The following TXNDC11 variants were observed in gnomAD, a reference collection of about 807,000 sequenced individuals.
TXNDC11 encodes the protein thioredoxin domain containing 11.
Under a neutral mutation model 78.0 loss-of-function variants are expected in TXNDC11, and 68 were observed. The ratio of observed to expected loss-of-function variants is 0.87; its 90% CI spans 0.72 to 1.07. The LOEUF (loss-of-function observed/expected upper bound fraction) is 1.07. TXNDC11 is among the 50% of genes least tolerant of loss of function. TXNDC11 has a pLI of 0.00. For missense variants in TXNDC11, 1,389 were observed against 1,221.8 expected (o/e 1.14, Z -2.04); for synonymous variants, 571 against 495.2 (o/e 1.15, Z -2.03).
intron 5 of TXNDC11, among the ~76,000 whole-genome samples, chr16:11,715,769 T>A (rs1291723532): frequency 6.6e-6 from 1 of 152,064 alleles, no homozygotes; most frequent in Non-Finnish European, 1.5e-5. Flanking sequence ...GAGAAAACCA[T>A]GCGTTACAAA....
chr16:11,703,649 T>A (rs1308432896), intron 5 of TXNDC11: 1 of 702,262 alleles, frequency 1.4e-6, no homozygotes, highest in Non-Finnish European at 2.6e-6. Context: ...AGTAATGACA[T>A]CCTAATACCA....
In TXNDC11 at chr16:11,679,130, A is replaced by T. The variant is rs920592963; in HGVS notation, c.*65T>A. ...CTTTATTTACAATAAATTTCAATAA[A>T]ATTTGCATAAATATATTCCCAATGT... On this transcript the variant is annotated 3_prime_UTR_variant, in exon 12 of 12. Coordinates refer to ENST00000283033, the MANE Select transcript of TXNDC11 (RefSeq NM_015914.7). This position sits in a 1 kb window ranked among gnomAD's most constrained non-coding sequence, Gnocchi z 4.6. 2 of 1,508,534 alleles carry T rather than the reference A, an allele frequency of 1.3e-6. No individual in the cohort carries two copies. Among genetic ancestry groups the T allele is most frequent in the African/African-American group, 2.8e-5 (2 of 70,914 alleles). 93.4% of individuals were successfully genotyped at this position (1,508,534 alleles called of 1,614,324 possible).
chr16:11,697,251 G>A (rs940721961), intron 7 of TXNDC11, among the ~76,000 whole-genome samples: 2 of 152,164 alleles, frequency 1.3e-5, no homozygotes, highest in South Asian at 2.1e-4. Context: ...CCACCTGGGC[G>A]AGAAGTCCTG....
At chr16:11,720,837 G>A (rs937752720) in intron 5 of TXNDC11, among the ~76,000 whole-genome samples, 2 of 151,590 alleles carry the variant, frequency 1.3e-5, no homozygotes, top group African/African-American at 4.9e-5. Flanking sequence ...TGCCTCCTAC[G>A]TTGAAGCAAG....
intron 2 of TXNDC11, among the ~76,000 whole-genome samples, chr16:11,734,442 C>T (rs1221516284): frequency 6.6e-6 from 1 of 152,130 alleles, no homozygotes; most frequent in African/African-American, 2.4e-5. Context: ...AAGCAGCAGT[C>T]CCTGGATTGC....
rs747170727 is a variant in TXNDC11 at position 11,691,317 on chromosome 16, T to G, written c.1873A>C (p.Lys625Gln). 5 of 1,614,024 alleles carry G rather than the reference T, an allele frequency of 3.1e-6. No individual in the cohort carries two copies. Among genetic ancestry groups the G allele is most frequent in the Non-Finnish European group, 4.2e-6 (5 of 1,179,930 alleles). Reference protein sequence around the residue: ...KEESHYILDPKQALMKLTLES... With the variant: ...KEESHYILDPQQALMKLTLES... ...AGGGTGAGCTTCATCAGTGCTTGCT[T>G]TGGATCCAAGATGTAATGAGATTCT... The change falls in exon 8 of 12, where the codon AAG becomes CAG. Residue 625 changes from lysine to glutamine, a missense_variant. By Grantham distance (53) the Lys-to-Gln change is moderately conservative (BLOSUM62 1). Transcript: ENST00000283033.
At chr16:11,720,242 G>C (rs2051662181) in intron 5 of TXNDC11, among the ~76,000 whole-genome samples, 1 of 152,130 alleles carries the variant, frequency 6.6e-6, no homozygotes, top group African/African-American at 2.4e-5. Context: ...AAATACAGAT[G>C]TGAGAAGCTG....
intron 11 of TXNDC11, among the ~76,000 whole-genome samples, chr16:11,681,454 C>T (rs1191594099): frequency 1.3e-5 from 2 of 152,228 alleles, no homozygotes; most frequent in African/African-American, 2.4e-5. Flanking sequence ...AATGGGCACA[C>T]TAAAATACTG....
chr16:11,723,407 G>T (rs905320213), intron 4 of TXNDC11, among the ~76,000 whole-genome samples: 6 of 151,962 alleles, frequency 3.9e-5, no homozygotes, highest in Non-Finnish European at 4.4e-5. Context: ...CGATATGGTG[G>T]AACCCTGTCT....
intron 5 of TXNDC11, among the ~76,000 whole-genome samples, chr16:11,701,201 A>T (rs1419351693): frequency 7.9e-6 from 1 of 126,820 alleles, no homozygotes; most frequent in Admixed American, 1.1e-4. Context: ...CAGTGGTGCG[A>T]TATCGGCTCA....
Position 11,742,682 on chromosome 16 carries a change from C to T in TXNDC11, c.49G>A (p.Ala17Thr). Reference sequence around the variant, plus strand: ...CCGCCGCCCCCTCCCTCGTCCTCGGCGTCCTCGCTGCTGCTGCTGCCGCCG... The same window carrying T: ...CCGCCGCCCCCTCCCTCGTCCTCGGTGTCCTCGCTGCTGCTGCTGCCGCCG... ...RGGGSSSSEDAEDEGGGGGGP... is the reference protein window; with the variant it reads ...RGGGSSSSEDTEDEGGGGGGP... Residue 17 changes from alanine to threonine, a missense_variant, in exon 1 of 12, where the codon GCC (alanine) becomes ACC (threonine). Ala to Thr is a moderately conservative substitution (Grantham distance 58). Transcript: ENST00000283033. The T allele has an allele frequency of 2.0e-6, 3 of 1,474,062 alleles. No homozygotes were observed. Among genetic ancestry groups the T allele is most frequent in the Admixed American group, 4.8e-5 (2 of 41,334 alleles). 91.3% of individuals were successfully genotyped at this position (1,474,062 alleles called of 1,614,324 possible). A position where few individuals can be genotyped will look rare whatever the true frequency, so the allele number is the denominator to read the frequency against.
At chr16:11,716,636 T>C (rs1185181607) in intron 5 of TXNDC11, among the ~76,000 whole-genome samples, 1 of 152,204 alleles carries the variant, frequency 6.6e-6, no homozygotes, top group Non-Finnish European at 1.5e-5. Context: ...TTTGAATAAA[T>C]GAATAATCAT....
At chr16:11,685,050 T>A (rs1054013301) in intron 10 of TXNDC11, among the ~76,000 whole-genome samples, 1 of 152,202 alleles carries the variant, frequency 6.6e-6, no homozygotes, top group Admixed American at 6.5e-5. Flanking sequence ...TCCAAAAGGA[T>A]GAAATTTGCT....
At chr16:11,697,131 A>C (rs2141023957) in intron 7 of TXNDC11, among the ~76,000 whole-genome samples, 1 of 152,352 alleles carries the variant, frequency 6.6e-6, no homozygotes, top group East Asian at 1.9e-4. Flanking sequence ...AAGCTATTTC[A>C]TTTCTCTCCT....
rs1451736324 is a variant in TXNDC11 at position 11,679,640 on chromosome 16, C to T, written c.2432G>A (p.Arg811Lys). The T allele has an allele frequency of 6.2e-7, 1 of 1,614,216 alleles. No individual in the cohort carries two copies. Among genetic ancestry groups the T allele is most frequent in the Non-Finnish European group, 8.5e-7 (1 of 1,180,040 alleles). ...SHLEREIQKL[R>K]AEISSLQRAQ... ...TCGCTGGAGGCTGCTTATTTCTGCT[C>T]TCAGTTTCTGGATCTCTCTCTCCAA... is the stretch of plus-strand genomic sequence containing the variant. Residue 811 changes from arginine to lysine, a missense_variant, in exon 12 of 12, where the codon AGA becomes AAA. Physicochemically the swap from Arg to Lys is conservative, Grantham distance 26. Coordinates refer to ENST00000283033, the MANE Select transcript of TXNDC11 (RefSeq NM_015914.7). This position sits in a 1 kb window ranked among gnomAD's most constrained non-coding sequence, Gnocchi z 4.6.
intron 1 of TXNDC11, among the ~76,000 whole-genome samples, chr16:11,738,897 C>G (rs1291484369): frequency 2.0e-5 from 3 of 152,030 alleles, no homozygotes; most frequent in Non-Finnish European, 4.4e-5. Context: ...CATGGTGGTG[C>G]ACACCTGTAA....
At chr16:11,706,463 G>T (rs966470836) in intron 5 of TXNDC11, among the ~76,000 whole-genome samples, 1 of 152,240 alleles carries the variant, frequency 6.6e-6, no homozygotes, top group South Asian at 2.1e-4. Context: ...CATGGGCATG[G>T]GCTGGGGAAC....
At chr16:11,684,027 A>C (rs935446634) in intron 11 of TXNDC11, 138 bp downstream of exon 11, 1 of 580,724 alleles carries the variant, frequency 1.7e-6, no homozygotes, top group Middle Eastern at 2.8e-4. Flanking sequence ...CTGGGATTAC[A>C]GGCATGAGCC....
intron 4 of TXNDC11, among the ~76,000 whole-genome samples, chr16:11,729,390 T>C (rs1007479346): frequency 1.3e-5 from 2 of 152,196 alleles, no homozygotes; most frequent in Non-Finnish European, 2.9e-5. Flanking sequence ...CTCTGATGCA[T>C]AGCTAAGAAC....
Sources: gnomAD v4.1 joint callset for allele counts (sites outside exome capture counted in the v4.1 genomes callset) on GRCh38, gnomAD v4.1.1 for gene constraint, Gnocchi (gnomAD v3.1) non-coding constraint, MANE v1.5 for transcripts, NCBI Gene and HGNC (gene_info 2026-07-23, HGNC 2026-07-21) for gene names.